Variants in SCLT1 observed in about 807,000 individuals in gnomAD.
SCLT1 encodes sodium channel and clathrin linker 1.
Under a neutral mutation model 112.8 loss-of-function variants are expected in SCLT1, and 78 were observed. The ratio of observed to expected loss-of-function variants is 0.69; its 90% CI spans 0.58 to 0.83. The LOEUF (loss-of-function observed/expected upper bound fraction) is 0.83, where lower values mean the gene tolerates loss of function less well. Ranked by LOEUF, SCLT1 falls within the 40% of genes least tolerant of loss-of-function variation. The pLI is 0.00. For synonymous variants in SCLT1, 257 were observed against 254.7 expected (o/e 1.01, Z -0.09); for missense variants, 747 against 770.4 (o/e 0.97, Z 0.36).
chr4:129,048,883 T>G (rs1322775718), intron 2 of SCLT1, among the ~76,000 whole-genome samples: 1 of 152,054 alleles, frequency 6.6e-6, no homozygotes, highest in Non-Finnish European at 1.5e-5. Context: ...GAAAAAATGC[T>G]CATCATCACT....
At chr4:128,914,363 CAA>C (rs879401238) in intron 18 of SCLT1, among the ~76,000 whole-genome samples, 2 of 127,592 alleles carry the variant, frequency 1.6e-5, no homozygotes, top group Admixed American at 1.6e-4. Context: ...AACTCCGTCT[CAA>C]AAAAAAAAAG....
intron 2 of SCLT1, 58 bp from the exon 3 acceptor site, chr4:129,044,109 A>T: frequency 2.4e-6 from 2 of 839,990 alleles, no homozygotes; most frequent in Non-Finnish European, 4.0e-6. Flanking sequence ...CAAAATTGAT[A>T]GTGATATAAT....
intron 5 of SCLT1, among the ~76,000 whole-genome samples, chr4:129,014,178 A>G (rs887030818): frequency 6.6e-5 from 10 of 151,910 alleles, no homozygotes; most frequent in Non-Finnish European, 1.3e-4. Flanking sequence ...GTTTTTTTCT[A>G]TACTGGCTAT....
intron 1 of SCLT1, among the ~76,000 whole-genome samples, chr4:129,086,949 C>CA (rs946453171): frequency 2.0e-5 from 3 of 151,928 alleles, no homozygotes; most frequent in Non-Finnish European, 4.4e-5. Flanking sequence ...AAAAAGCAAG[C>CA]AAAAAAATCA....
intron 15 of SCLT1, among the ~76,000 whole-genome samples, chr4:128,947,629 T>C (rs1201292526): frequency 6.6e-6 from 1 of 152,274 alleles, no homozygotes; most frequent in Non-Finnish European, 1.5e-5. Context: ...TAAAACACAG[T>C]AAGTGCTCAA....
intron 2 of SCLT1, among the ~76,000 whole-genome samples, chr4:129,048,655 T>C (rs1179756370): frequency 1.3e-5 from 2 of 152,174 alleles, no homozygotes; most frequent in Non-Finnish European, 2.9e-5. Context: ...AAAGAGCTTC[T>C]GCATAGCAAA....
In SCLT1 at chr4:128,999,784, T is replaced by G. The variant is rs752982665; in HGVS notation, c.437A>C (p.Gln146Pro). The change falls in exon 7 of 21, where the codon CAG (glutamine) becomes CCG (proline). Residue 146 changes from glutamine (Q) to proline (P), a missense_variant. By Grantham distance (76) the Gln-to-Pro change is moderately conservative. Around this residue, in one of 2 missense-constraint regions of SCLT1, gnomAD observed 723 missense variants for 721.3 expected, o/e 1.00. Coordinates refer to ENST00000281142, the MANE Select transcript of SCLT1 (RefSeq NM_144643.4). The part of the protein sequence containing the change: ...QLQLANQEKT[Q>P]AVELWQTVSQ... ...AACAGTCTGCCAGAGTTCCACAGCCTGAGTTTTTTCCTATTAAAAAAGTTT... is the reference window on the plus strand; with the variant it reads ...AACAGTCTGCCAGAGTTCCACAGCCGGAGTTTTTTCCTATTAAAAAAGTTT... 1 of 1,598,994 alleles carries G rather than the reference T, an allele frequency of 6.3e-7. No homozygotes were observed. Among genetic ancestry groups the G allele is most frequent in the South Asian group, 1.1e-5 (1 of 88,544 alleles).
chr4:129,023,653 G>C (rs543184201), intron 5 of SCLT1, among the ~76,000 whole-genome samples: 37 of 152,300 alleles, frequency 2.4e-4, no homozygotes, highest in African/African-American at 8.4e-4. Context: ...GAGGTACTGG[G>C]TTCATCTCAC....
At chr4:129,009,667 C>T (rs370724160) in intron 5 of SCLT1, among the ~76,000 whole-genome samples, 1 of 152,068 alleles carries the variant, frequency 6.6e-6, no homozygotes, top group East Asian at 1.9e-4. Flanking sequence ...TTCTGACTGG[C>T]GTGAGATGGT....
intron 16 of SCLT1, among the ~76,000 whole-genome samples, chr4:128,945,359 G>C (rs530540565): frequency 6.6e-6 from 1 of 152,036 alleles, no homozygotes. Flanking sequence ...GTTTGATCTG[G>C]AAGTAATCAT....
At chr4:128,989,728 A>G (rs1210569598) in intron 9 of SCLT1, among the ~76,000 whole-genome samples, 1 of 151,726 alleles carries the variant, frequency 6.6e-6, no homozygotes, top group Admixed American at 6.6e-5. Context: ...TCCAAAAAAA[A>G]ATACAGAAGA....
chr4:128,911,207 A>C (rs1735072126), intron 18 of SCLT1, among the ~76,000 whole-genome samples: 1 of 152,234 alleles, frequency 6.6e-6, no homozygotes, highest in Admixed American at 6.5e-5. Context: ...CGGAGGTTGC[A>C]GTGAGCCAAG....
chr4:129,073,820 C>T (rs898288656), intron 2 of SCLT1, among the ~76,000 whole-genome samples: 1 of 152,108 alleles, frequency 6.6e-6, no homozygotes, highest in African/African-American at 2.4e-5. Flanking sequence ...CTTACTAAAC[C>T]TAATGTTTTT....
chr4:129,064,115 T>G (rs1750254472), intron 2 of SCLT1, among the ~76,000 whole-genome samples: 1 of 152,206 alleles, frequency 6.6e-6, no homozygotes, highest in African/African-American at 2.4e-5. Context: ...TAACACTTAT[T>G]CTTTTATCTA....
chr4:128,910,917 T>C (rs1235843771), intron 18 of SCLT1, among the ~76,000 whole-genome samples: 1 of 152,132 alleles, frequency 6.6e-6, no homozygotes, highest in Non-Finnish European at 1.5e-5. Flanking sequence ...TGATATCTGG[T>C]AGGGAAAATC....
chr4:128,975,040 C>CTTTTTTTTTT (rs34603915), intron 9 of SCLT1, among the ~76,000 whole-genome samples: 1,399 of 86,824 alleles, frequency 0.016, 402 homozygotes, highest in African/African-American at 0.065. Context: ...TGAATGACAA[C>CTTTTTTTTTT]TTTTTTTTTT....
chr4:128,929,176 A>C (rs889573120), intron 18 of SCLT1, among the ~76,000 whole-genome samples: 1 of 152,242 alleles, frequency 6.6e-6, no homozygotes, highest in African/African-American at 2.4e-5. Context: ...GGTTAAAGAA[A>C]GTATCATCAG....
Position 129,093,280 on chromosome 4 carries a change from C to T in SCLT1, c.-177G>A, listed in dbSNP as rs2125793865. On this transcript the variant is annotated 5_prime_UTR_variant, in exon 1 of 21. Coordinates refer to ENST00000281142, the MANE Select transcript of SCLT1 (RefSeq NM_144643.4). ...ACAGCCCCGCCACGCTTCTTTCCCCCGCGCCCCAGACGAGTCCCTGGCCCT... is the reference window on the plus strand; with the variant it reads ...ACAGCCCCGCCACGCTTCTTTCCCCTGCGCCCCAGACGAGTCCCTGGCCCT... 8 of 631,724 alleles carry T rather than the reference C, an allele frequency of 1.3e-5. No individual in the cohort carries two copies. The East Asian group carries it at 1.9e-4, about 15-fold the overall frequency. The allele number at this position is 631,724 out of a possible 1,614,324, so 39.1% of individuals were successfully genotyped here. A position where few individuals can be genotyped will look rare whatever the true frequency, so the allele number is the denominator to read the frequency against.
chr4:128,974,893 A>T (rs1265991208), intron 9 of SCLT1, among the ~76,000 whole-genome samples: 3 of 151,978 alleles, frequency 2.0e-5, no homozygotes, highest in Non-Finnish European at 2.9e-5. Context: ...ATAACTACCA[A>T]AGGATTTTAT....
Sources: allele counts gnomAD v4.1 joint callset (sites outside exome capture counted in the v4.1 genomes callset), GRCh38; gene constraint gnomAD v4.1.1; regional missense constraint gnomAD v4.1.1; transcripts MANE v1.5; gene names NCBI Gene and HGNC (gene_info 2026-07-23, HGNC 2026-07-21).